The following CFAP57 variants were observed in gnomAD, a reference collection of about 807,000 sequenced individuals.
CFAP57 encodes the protein cilia and flagella associated protein 57, also known as cilia- and flagella-associated protein 57.
CFAP57 carries 116 observed loss-of-function variants against 146.8 expected under a neutral mutation model. The observed-to-expected ratio is 0.79, with a 90% CI of 0.68 to 0.92. The LOEUF (loss-of-function observed/expected upper bound fraction) is 0.92. CFAP57 is among the 40% of genes least tolerant of loss of function. The probability of loss-of-function intolerance (pLI) is 0.00; values close to 1 mark genes in which losing one functional copy is unlikely to be tolerated. For missense variants in CFAP57, 1,377 were observed against 1,527.2 expected (o/e 0.90, Z 1.64); for synonymous variants, 518 against 552.8 (o/e 0.94, Z 0.88).
intron 2 of CFAP57, among the ~76,000 whole-genome samples, chr1:43,179,882 T>C (rs977713311): frequency 6.6e-6 from 1 of 152,116 alleles, no homozygotes; most frequent in Non-Finnish European, 1.5e-5. Context: ...TTTGATTTCA[T>C]GGCCCCCTCC....
chr1:43,229,136 C>G (rs1557811173), intron 18 of CFAP57, among the ~76,000 whole-genome samples: 1 of 148,962 alleles, frequency 6.7e-6, no homozygotes, highest in Non-Finnish European at 1.5e-5. Flanking sequence ...CCTGGAGGGC[C>G]AGCACACCAC....
At chr1:43,219,575 A>G in intron 13 of CFAP57, 38 bp downstream of exon 13, 1 of 1,549,330 alleles carries the variant, frequency 6.5e-7, no homozygotes, top group Non-Finnish European at 8.7e-7. Context: ...ACAAATAACA[A>G]GAAATTTCCA....
chr1:43,243,355 G>A lies in CFAP57; in HGVS notation c.3534G>A (p.Glu1178=). The change falls in exon 22 of 23, where the codon GAG becomes GAA. Residue 1178 remains glutamate, a synonymous_variant. Transcript: ENST00000372492. The part of the protein sequence containing the change: ...TKKVRPQEVS[E]TEPSRDMLST... ...AAGTCCGACCACAAGAAGTTTCAGA[G>A]ACAGGTAATATCACCAGTGGCCAGG... The A allele has an allele frequency of 6.5e-7, 1 of 1,537,078 alleles. No homozygotes were observed.
intron 22 of CFAP57, among the ~76,000 whole-genome samples, chr1:43,249,301 C>T (rs1455957642): frequency 6.6e-6 from 1 of 151,428 alleles, no homozygotes; most frequent in Non-Finnish European, 1.5e-5. Context: ...TTACCTAAAA[C>T]ATTTATCCCA....
chr1:43,217,436 A>G (rs894851643), intron 12 of CFAP57, among the ~76,000 whole-genome samples: 5 of 152,060 alleles, frequency 3.3e-5, no homozygotes, highest in Admixed American at 3.3e-4. Context: ...GACCCCTGGG[A>G]TCATTGATAA....
chr1:43,188,888 C>T (rs138683364), intron 6 of CFAP57, among the ~76,000 whole-genome samples: 103 of 152,312 alleles, frequency 6.8e-4, no homozygotes, highest in African/African-American at 2.4e-3. Flanking sequence ...ATAGTGCTAG[C>T]TCTTACATCT....
chr1:43,221,312 C>A, intron 13 of CFAP57, 60 bp from the exon 14 acceptor site: 2 of 1,277,814 alleles, frequency 1.6e-6, no homozygotes, highest in Non-Finnish European at 1.1e-6. Context: ...AAAATCAGTT[C>A]TTGCCCTAGT....
chr1:43,181,843 T>C lies in CFAP57; in HGVS notation c.467T>C (p.Val156Ala). 1 of 1,614,194 alleles carries C rather than the reference T, an allele frequency of 6.2e-7. No homozygotes were observed. The highest frequency in any genetic ancestry group is 8.5e-7 in the Non-Finnish European group (1 of 1,180,004). The change falls in exon 3 of 23, where the codon GTC (valine) becomes GCC (alanine). Residue 156 changes from valine (V) to alanine (A), a missense_variant. Transcript: ENST00000372492. Reference sequence around the variant, plus strand: ...AGAATCGACACTCAGAACAACCCTGTCTACCAGGTACCTAGTAGTGTGACA... The same window carrying C: ...AGAATCGACACTCAGAACAACCCTGCCTACCAGGTACCTAGTAGTGTGACA... ...IVRIDTQNNP[V>A]YQVSFSPQDN...
At chr1:43,222,417 C>G in intron 15 of CFAP57, 122 bp downstream of exon 15, 1 of 883,296 alleles carries the variant, frequency 1.1e-6, no homozygotes, top group East Asian at 3.1e-5. Context: ...GACATGGTTT[C>G]TACCCCCAAG....
At chr1:43,202,100 G>A (rs1428941250) in intron 9 of CFAP57, among the ~76,000 whole-genome samples, 1 of 152,066 alleles carries the variant, frequency 6.6e-6, no homozygotes, top group Non-Finnish European at 1.5e-5. Context: ...CTCTAATTAG[G>A]GATATATGTT....
intron 9 of CFAP57, among the ~76,000 whole-genome samples, chr1:43,200,348 G>A (rs1047464253): frequency 6.6e-6 from 1 of 151,908 alleles, no homozygotes; most frequent in Non-Finnish European, 1.5e-5. Flanking sequence ...TTAGCCAGGT[G>A]TGGTGGCACA....
chr1:43,185,091 G>A (rs909578611), intron 4 of CFAP57, 58 bp from the exon 5 acceptor site: 2 of 1,579,894 alleles, frequency 1.3e-6, no homozygotes, highest in South Asian at 2.2e-5. Context: ...CTCCCCAGCA[G>A]AATTCATCTC....
rs1475856420 is a variant in CFAP57, at chr1:43,219,448, C to T, written c.2158C>T (p.Arg720Ter). 6.4e-6 allele frequency: 10 copies of T among 1,550,392 alleles called. No individual in the cohort carries two copies. Among genetic ancestry groups the T allele is most frequent in the African/African-American group, 1.4e-5 (1 of 73,018 alleles). ...AAAAATGGAGAATGAGTATCAACTC[C>T]GACTAAAGGACATGAACTATTCTGA... ...ELKMENEYQLRLKDMNYSEKI... is the reference protein window; with the variant it reads ...ELKMENEYQL Residue 720 changes from arginine (R) to a stop codon, truncating the protein, a stop_gained, in exon 13 of 23, where the codon CGA (arginine) becomes TGA (stop). Transcript: ENST00000372492. LOFTEE classifies it high-confidence loss of function.
chr1:43,200,146 A>G (rs1203233500), intron 9 of CFAP57, among the ~76,000 whole-genome samples: 6 of 152,116 alleles, frequency 3.9e-5, no homozygotes, highest in Admixed American at 6.5e-5. Flanking sequence ...TACACCATAG[A>G]TAATAGTGGT....
intron 18 of CFAP57, 69 bp downstream of exon 18, chr1:43,227,195 G>C (rs1418333377): frequency 7.0e-7 from 1 of 1,433,616 alleles, no homozygotes; most frequent in East Asian, 2.6e-5. Context: ...TGGCTAGCTG[G>C]CCTCAGGGAC....
At chr1:43,206,580 T>C (rs1306299935) in intron 9 of CFAP57, 140 bp from the exon 10 acceptor site, 1 of 754,220 alleles carries the variant, frequency 1.3e-6, no homozygotes, top group Non-Finnish European at 2.3e-6. Flanking sequence ...GAAGCTATGT[T>C]TTGTGCTAAC....
rs1412160357 is a variant in CFAP57 at position 43,206,899 on chromosome 1, A to G, written c.1722A>G (p.Ser574=). 1 of 1,614,160 alleles carries G rather than the reference A, an allele frequency of 6.2e-7. No individual in the cohort carries two copies. Among genetic ancestry groups the G allele is most frequent in the African/African-American group, 1.3e-5 (1 of 75,068 alleles). ...CCAAAATTATCTTTGCTGTTGGATC[A>G]GACCACACCCTCAAGGAGATTGCAG... is the stretch of plus-strand genomic sequence containing the variant. ...PDAKIIFAVG[S]DHTLKEIADS... Residue 574 remains serine (S), a synonymous_variant, in exon 10 of 23, where the codon TCA becomes TCG. Coordinates refer to ENST00000372492, the MANE Select transcript of CFAP57 (RefSeq NM_001378189.1).
At chr1:43,235,670 C>T (rs1645657965) in intron 21 of CFAP57, among the ~76,000 whole-genome samples, 1 of 152,128 alleles carries the variant, frequency 6.6e-6, no homozygotes, top group African/African-American at 2.4e-5. Flanking sequence ...CCATCGGAGG[C>T]CCAGAGATAG....
chr1:43,206,625 A>G, intron 9 of CFAP57, 95 bp from the exon 10 acceptor site: 3 of 1,240,744 alleles, frequency 2.4e-6, no homozygotes, highest in Non-Finnish European at 3.6e-6. Flanking sequence ...CGTTCTGCTC[A>G]GTCTAGTGGA....
Sources: allele counts gnomAD v4.1 joint callset (sites outside exome capture counted in the v4.1 genomes callset), GRCh38; gene constraint gnomAD v4.1.1; transcripts MANE v1.5; gene names NCBI Gene and HGNC (gene_info 2026-07-23, HGNC 2026-07-21).